Variants in PXT1 observed in about 807,000 individuals in gnomAD.
The protein encoded by PXT1 is peroxisomal testis enriched protein 1.
Under a neutral mutation model 11.0 loss-of-function variants are expected in PXT1, and 11 were observed. That is an observed-to-expected ratio of 1.00 (90% CI 0.63 to 1.66). The LOEUF is 1.66. PXT1 is among the 40% of genes most tolerant of loss of function. The pLI is 0.00. For synonymous variants in PXT1, 43 were observed against 51.4 expected (o/e 0.84, Z 0.70); for missense variants, 141 against 155.5 (o/e 0.91, Z 0.49).
At chr6:36,421,156 AAAC>A (rs776974549) in intron 3 of PXT1, among the ~76,000 whole-genome samples, 28 of 152,150 alleles carry the variant, frequency 1.8e-4, no homozygotes, top group East Asian at 5.8e-4. Flanking sequence ...CAAAATTAAA[AAAC>A]AACAACAACA....
Position 36,433,627 on chromosome 6 carries a change from G to A in PXT1, c.-10+5140C>T, listed in dbSNP as rs552960534. On this transcript the variant is annotated intron_variant, in intron 2 of 4. Transcript: ENST00000454782. ...GAGGTCAGCAGATCGAGACCATCCT[G>A]GCTAACATGATGAAACCTGTCTCTA... 9.9e-5 allele frequency among the ~76,000 whole-genome samples: 15 copies of A among 151,910 alleles called. No individual in the cohort carries two copies. In the South Asian group the frequency reaches 3.1e-3, roughly 32 times the overall value.
intron 4 of PXT1, among the ~76,000 whole-genome samples, chr6:36,393,918 T>C (rs918842590): frequency 6.6e-6 from 1 of 152,174 alleles, no homozygotes; most frequent in Non-Finnish European, 1.5e-5. Flanking sequence ...AGATCAGTAA[T>C]ATTGTCTCTT....
chr6:36,417,460 A>G (rs1774464991), intron 3 of PXT1, among the ~76,000 whole-genome samples: 4 of 152,032 alleles, frequency 2.6e-5, no homozygotes, highest in Admixed American at 2.6e-4. Flanking sequence ...TGATTAACCA[A>G]GAGATAGCAG....
At chr6:36,410,278 CTG>C (rs1400852813) in intron 3 of PXT1, among the ~76,000 whole-genome samples, 1 of 152,092 alleles carries the variant, frequency 6.6e-6, no homozygotes, top group Admixed American at 6.6e-5. Flanking sequence ...CGGAAAAACC[CTG>C]TCTCTACTAA....
intron 3 of PXT1, among the ~76,000 whole-genome samples, chr6:36,419,334 C>T (rs1487706071): frequency 1.3e-5 from 2 of 152,018 alleles, no homozygotes; most frequent in Admixed American, 6.6e-5. Context: ...AAATACAAAC[C>T]CTAATATCTG....
chr6:36,435,387 C>A (rs1301358714), intron 2 of PXT1, among the ~76,000 whole-genome samples: 1 of 151,980 alleles, frequency 6.6e-6, no homozygotes, highest in East Asian at 1.9e-4. Flanking sequence ...GGTAGACCCC[C>A]ATCTCTACAA....
Position 36,416,179 on chromosome 6 carries a change from AG to A in PXT1, c.169+9734del, listed in dbSNP as rs751631764. ...GACCAAGACCCTGTCTCTACCAAAAAGAAAAGAAAAGAAAAGAAAAATAGCC... is the reference window on the plus strand; with the variant it reads ...GACCAAGACCCTGTCTCTACCAAAAAAAAAGAAAAGAAAAGAAAAATAGCC... On this transcript the variant is annotated intron_variant, in intron 3 of 4. Transcript: ENST00000454782. Among the ~76,000 whole-genome samples the A allele has an allele frequency of 1.2e-3, 172 of 147,884 alleles. 9 individuals carry two copies. The highest frequency in any genetic ancestry group is 2.7e-3 in the South Asian group (13 of 4,742).
intron 4 of PXT1, 31 bp from the exon 5 acceptor site, chr6:36,391,905 G>GTTT: frequency 7.5e-6 from 8 of 1,061,420 alleles, no homozygotes; most frequent in South Asian, 4.4e-5. Flanking sequence ...ACAGAGAAAG[G>GTTT]TTTTTTTTTT....
chr6:36,391,825 A>G lies in PXT1; in HGVS notation c.350T>C (p.Phe117Ser). 6.2e-7 allele frequency: 1 copy of G among 1,613,986 alleles called. No homozygotes were observed. The highest frequency in any genetic ancestry group is 1.1e-5 in the South Asian group (1 of 91,070). Residue 117 changes from phenylalanine (F) to serine (S), a missense_variant, in exon 5 of 5, where the codon TTC (phenylalanine) becomes TCC (serine). By Grantham distance (155) the Phe-to-Ser change is radical. Coordinates refer to ENST00000454782, the MANE Select transcript of PXT1 (RefSeq NM_152990.4). ...CAGCAACACCTGAACTCTTCTAAAG[A>G]AAAAGAAGACAAAATGATCTAGTGC... ...RDALDHFVFF[F>S]FRRVQVLLHF...
chr6:36,430,381 T>C (rs1774676045), intron 2 of PXT1, among the ~76,000 whole-genome samples: 1 of 152,162 alleles, frequency 6.6e-6, no homozygotes, highest in African/African-American at 2.4e-5. Flanking sequence ...GAATGGACTC[T>C]GTAGATGTAA....
At chr6:36,409,251 G>A (rs1774333062) in intron 3 of PXT1, among the ~76,000 whole-genome samples, 1 of 152,180 alleles carries the variant, frequency 6.6e-6, no homozygotes, top group East Asian at 1.9e-4. Context: ...GAACACTGAA[G>A]AGAATGGGAG....
At chr6:36,431,063 C>A (rs746021150) in intron 2 of PXT1, among the ~76,000 whole-genome samples, 2 of 152,002 alleles carry the variant, frequency 1.3e-5, no homozygotes, top group Non-Finnish European at 2.9e-5. Context: ...TGATACACCC[C>A]CCTCGGCCTC....
Position 36,423,524 on chromosome 6 carries a change from C to G in PXT1, c.169+2390G>C, listed in dbSNP as rs1408207432. The stretch of plus-strand genomic sequence containing the variant: ...GCGCGCGCGTAGCTCGCCTCGGGCT[C>G]CTGGCGGGAGCGGGAGTTAGGGAGG... On this transcript the variant is annotated intron_variant, in intron 3 of 4. Coordinates refer to ENST00000454782, the MANE Select transcript of PXT1 (RefSeq NM_152990.4). Among the ~76,000 whole-genome samples the G allele has an allele frequency of 4.6e-5, 7 of 152,372 alleles. No homozygotes were observed. In the East Asian group the frequency reaches 1.3e-3, roughly 29 times the overall value.
intron 3 of PXT1, among the ~76,000 whole-genome samples, chr6:36,419,730 C>G (rs960640619): frequency 2.0e-5 from 3 of 152,198 alleles, no homozygotes; most frequent in East Asian, 1.9e-4. Flanking sequence ...CTAAAAACAG[C>G]ATTACCTTTC....
intron 3 of PXT1, among the ~76,000 whole-genome samples, chr6:36,403,573 T>C (rs1774243602): frequency 2.6e-5 from 4 of 152,084 alleles, no homozygotes; most frequent in Non-Finnish European, 5.9e-5. Flanking sequence ...CTTGAGTTCA[T>C]TTATAAATTT....
chr6:36,437,454 A>C (rs577459374), intron 2 of PXT1, among the ~76,000 whole-genome samples: 1 of 152,156 alleles, frequency 6.6e-6, no homozygotes, highest in South Asian at 2.1e-4. Flanking sequence ...ATCCAGTTAT[A>C]ATGATCTGAA....
chr6:36,403,844 G>A (rs1774247524), intron 3 of PXT1, among the ~76,000 whole-genome samples: 1 of 152,100 alleles, frequency 6.6e-6, no homozygotes, highest in Admixed American at 6.6e-5. Context: ...CTCCAGCCTG[G>A]GTGACAGAGA....
chr6:36,408,989 G>A (rs903082951), intron 3 of PXT1, among the ~76,000 whole-genome samples: 3 of 152,154 alleles, frequency 2.0e-5, no homozygotes, highest in East Asian at 1.9e-4. Context: ...CCTGTCCCTC[G>A]AGTTGTATTT....
Position 36,425,900 on chromosome 6 carries a change from T to G in PXT1, c.169+14A>C. 6.5e-7 allele frequency: 1 copy of G among 1,526,878 alleles called. No individual in the cohort carries two copies. Among genetic ancestry groups the G allele is most frequent in the East Asian group, 2.5e-5 (1 of 40,634 alleles). The allele number at this position is 1,526,878 out of a possible 1,614,324, so 94.6% of individuals were successfully genotyped here. On this transcript the variant is annotated intron_variant, in intron 3 of 4. Transcript: ENST00000454782. ...AAGTAAACTATTTATCTTAGTTTAA[T>G]CCAAATATCTTACCTGGGTTCCTTG...
Sources: gnomAD v4.1 joint callset for allele counts (sites outside exome capture counted in the v4.1 genomes callset) on GRCh38, gnomAD v4.1.1 for gene constraint, MANE v1.5 for transcripts, NCBI Gene and HGNC (gene_info 2026-07-23, HGNC 2026-07-21) for gene names.